The following GRM7 variants were observed in gnomAD, a reference collection of about 807,000 sequenced individuals.
The protein encoded by GRM7 is glutamate metabotropic receptor 7.
Under a neutral mutation model 84.5 loss-of-function variants are expected in GRM7, and 35 were observed. The ratio of observed to expected loss-of-function variants is 0.41; its 90% CI spans 0.32 to 0.55. GRM7 has a LOEUF of 0.55. GRM7 is among the 20% of genes least tolerant of loss of function. GRM7 has a pLI of 0.19. For missense variants in GRM7, 1,003 were observed against 1,194.6 expected (o/e 0.84, Z 2.36); for synonymous variants, 487 against 455.1 (o/e 1.07, Z -0.89).
intron 1 of GRM7, among the ~76,000 whole-genome samples, chr3:6,943,096 A>G (rs1697945747): frequency 6.6e-6 from 1 of 151,986 alleles, no homozygotes; most frequent in African/African-American, 2.4e-5. Context: ...AATACTTCAT[A>G]TATTCTAGAG....
intron 4 of GRM7, among the ~76,000 whole-genome samples, chr3:7,364,430 G>A (rs1360094427): frequency 1.3e-5 from 2 of 151,718 alleles, no homozygotes; most frequent in African/African-American, 4.8e-5. Context: ...AAATGTATTT[G>A]AGAATCTCTG....
chr3:6,868,733 A>G (rs964142188), intron 1 of GRM7, among the ~76,000 whole-genome samples: 9 of 152,196 alleles, frequency 5.9e-5, no homozygotes, highest in Admixed American at 2.6e-4. Flanking sequence ...CTGAAAGTCA[A>G]GTTGATAGAG....
At chr3:7,711,196 C>G (rs1701565292) in intron 9 of GRM7, among the ~76,000 whole-genome samples, 1 of 152,096 alleles carries the variant, frequency 6.6e-6, no homozygotes, top group Non-Finnish European at 1.5e-5. Flanking sequence ...GGCAGTATAT[C>G]AAGATAGAGT....
intron 2 of GRM7, among the ~76,000 whole-genome samples, chr3:7,297,067 TTC>T (rs1305570493): frequency 1.3e-5 from 2 of 152,162 alleles, no homozygotes; most frequent in Admixed American, 6.6e-5. Context: ...CTCAGTAATT[TTC>T]TCTTAAAGTG....
chr3:7,716,661 A>G (rs548754507), intron 9 of GRM7, among the ~76,000 whole-genome samples: 1 of 152,146 alleles, frequency 6.6e-6, no homozygotes, highest in South Asian at 2.1e-4. Context: ...TGGACATCCT[A>G]CTCCCATGGG....
chr3:7,385,402 G>A (rs770529993), intron 4 of GRM7, among the ~76,000 whole-genome samples: 16 of 140,924 alleles, frequency 1.1e-4, no homozygotes, highest in African/African-American at 3.4e-4. Flanking sequence ...CTCGGTTCAC[G>A]CCATTCTCCT....
At chr3:7,597,042 G>A (rs960985040) in intron 8 of GRM7, among the ~76,000 whole-genome samples, 12 of 152,034 alleles carry the variant, frequency 7.9e-5, no homozygotes, top group African/African-American at 2.7e-4. Flanking sequence ...ATTATTATTC[G>A]GCTATAAAGA....
intron 8 of GRM7, among the ~76,000 whole-genome samples, chr3:7,583,752 G>A (rs146331584): frequency 9.0e-4 from 137 of 152,228 alleles, no homozygotes; most frequent in African/African-American, 3.2e-3. Context: ...GAGCAGCCCT[G>A]GTTCTCTTAG....
intron 1 of GRM7, among the ~76,000 whole-genome samples, chr3:7,100,980 G>A (rs1218971645): frequency 1.7e-5 from 2 of 116,616 alleles, no homozygotes; most frequent in African/African-American, 7.9e-5. Flanking sequence ...ATATACTAAA[G>A]ATTTTTTATC....
At chr3:7,136,989 G>T (rs2125058865) in intron 1 of GRM7, among the ~76,000 whole-genome samples, 1 of 152,194 alleles carries the variant, frequency 6.6e-6, no homozygotes, top group Admixed American at 6.6e-5. Flanking sequence ...GCTTTCTGGG[G>T]CAAACATTGT....
At chr3:7,126,292 C>G (rs531271940) in intron 1 of GRM7, among the ~76,000 whole-genome samples, 55 of 152,236 alleles carry the variant, frequency 3.6e-4, no homozygotes, top group African/African-American at 1.3e-3. Flanking sequence ...CTGAAAATGC[C>G]ATCTATTACC....
At chr3:7,449,101 A>G (rs530705751) in intron 5 of GRM7, among the ~76,000 whole-genome samples, 20 of 152,258 alleles carry the variant, frequency 1.3e-4, no homozygotes, top group Non-Finnish European at 2.2e-4. Context: ...TTCTTTTAAC[A>G]TTGCTCAATG....
intron 8 of GRM7, among the ~76,000 whole-genome samples, chr3:7,645,567 A>AAAAAG (rs1559461053): frequency 8.7e-5 from 13 of 148,868 alleles, no homozygotes; most frequent in African/African-American, 1.7e-4. Flanking sequence ...AAAAAAAAAA[A>AAAAAG]AAAAGAAAAG....
intron 4 of GRM7, among the ~76,000 whole-genome samples, chr3:7,351,362 A>C (rs954111453): frequency 2.0e-5 from 3 of 147,528 alleles, no homozygotes; most frequent in African/African-American, 7.9e-5. Context: ...AAAAAAAAAA[A>C]ACAACTGACT....
chr3:7,461,844 T>A (rs534038063), intron 7 of GRM7, 122 bp downstream of exon 7: 16 of 842,586 alleles, frequency 1.9e-5, no homozygotes, highest in Non-Finnish European at 2.9e-5. Context: ...GCATGCAATT[T>A]GTTGTGGGCA....
At chr3:7,161,398 A>G (rs182624561) in intron 2 of GRM7, among the ~76,000 whole-genome samples, 32 of 148,978 alleles carry the variant, frequency 2.1e-4, no homozygotes, top group Admixed American at 2.0e-3. Context: ...TACGTGAAAT[A>G]ACACTTTTTC....
rs3065597 is a variant in GRM7 at position 7,520,512 on chromosome 3, TA to T, written c.1516-57899del. Among the ~76,000 whole-genome samples, 141 of 148,916 alleles carry T rather than the reference TA, an allele frequency of 9.5e-4. No individual in the cohort carries two copies. In the East Asian group the frequency reaches 0.01, roughly 11 times the overall value. On this transcript the variant is annotated intron_variant, in intron 7 of 9. Transcript: ENST00000357716. ...AATGACTCTCTAGACCTGAAAAAAA[TA>T]AAAAAAAAAACACCACCATGGGACT... is the stretch of plus-strand genomic sequence containing the variant.
intron 4 of GRM7, among the ~76,000 whole-genome samples, chr3:7,394,241 T>C (rs1695116886): frequency 6.6e-6 from 1 of 152,186 alleles, no homozygotes; most frequent in Non-Finnish European, 1.5e-5. Flanking sequence ...CAGACTTCAG[T>C]TGGTTCTGCT....
chr3:7,226,170 C>T (rs546919708), intron 2 of GRM7, among the ~76,000 whole-genome samples: 24 of 152,216 alleles, frequency 1.6e-4, no homozygotes, highest in Admixed American at 5.9e-4. Flanking sequence ...TGCTGTGTAA[C>T]AAATCACTGC....
Sources: allele counts gnomAD v4.1 joint callset (sites outside exome capture counted in the v4.1 genomes callset), GRCh38; gene constraint gnomAD v4.1.1; transcripts MANE v1.5; gene names NCBI Gene and HGNC (gene_info 2026-07-23, HGNC 2026-07-21).